ENTREP2: variants seen among roughly 807,000 people sequenced by gnomAD.
ENTREP2 encodes the protein endosomal transmembrane epsin interactor 2, also known as protein ENTREP2.
the ENTREP2 span, among the ~76,000 whole-genome samples, chr15:29,398,807 C>T: frequency 6.6e-6 from 1 of 152,062 alleles, no homozygotes; most frequent in East Asian, 1.9e-4. Flanking sequence ...AAGGTCCCCA[C>T]TCCCTGGTGT....
At chr15:29,540,132 G>T in the ENTREP2 span, among the ~76,000 whole-genome samples, 1 of 152,100 alleles carries the variant, frequency 6.6e-6, no homozygotes, top group Non-Finnish European at 1.5e-5. Context: ...CTTATCCACA[G>T]TCTTCCAGTT....
At chr15:29,144,407 G>A in the ENTREP2 span, among the ~76,000 whole-genome samples, 1 of 152,148 alleles carries the variant, frequency 6.6e-6, no homozygotes, top group Non-Finnish European at 1.5e-5. Context: ...TGCAGGCTCA[G>A]ATGGCTTCAC....
the ENTREP2 span, among the ~76,000 whole-genome samples, chr15:29,405,323 A>G: frequency 6.7e-6 from 1 of 150,358 alleles, no homozygotes; most frequent in African/African-American, 2.5e-5. Context: ...TGGGAGGTGG[A>G]GGTTGCAGTG....
chr15:29,162,463 G>C, the ENTREP2 span, among the ~76,000 whole-genome samples: 1 of 152,132 alleles, frequency 6.6e-6, no homozygotes, highest in African/African-American at 2.4e-5. Context: ...TGGGGCGGTT[G>C]GATGGGGGCA....
At chr15:29,484,682 G>T in the ENTREP2 span, among the ~76,000 whole-genome samples, 1 of 152,104 alleles carries the variant, frequency 6.6e-6, no homozygotes, top group Non-Finnish European at 1.5e-5. Context: ...GAAACACTCA[G>T]CTAAGATGCT....
At chr15:29,610,486 A>T in the ENTREP2 span, 2 of 150,578 alleles carry the variant, frequency 1.3e-5, no homozygotes, top group African/African-American at 4.9e-5. Flanking sequence ...GTGGAAAAAA[A>T]GAAAAAAACA....
chr15:29,379,284 C>T, the ENTREP2 span, among the ~76,000 whole-genome samples: 13 of 152,166 alleles, frequency 8.5e-5, no homozygotes, highest in African/African-American at 2.7e-4. Context: ...GTCCCTGAGC[C>T]CCTCTGTGAA....
At chr15:29,480,810 C>T in the ENTREP2 span, among the ~76,000 whole-genome samples, 1 of 152,138 alleles carries the variant, frequency 6.6e-6, no homozygotes, top group African/African-American at 2.4e-5. Flanking sequence ...CCCAGAAAAC[C>T]TCACGGCTGC....
the ENTREP2 span, among the ~76,000 whole-genome samples, chr15:29,405,958 G>A: frequency 6.6e-6 from 1 of 152,242 alleles, no homozygotes; most frequent in Admixed American, 6.5e-5. Context: ...AGGAAAGGCA[G>A]ATAAGCTGAA....
chr15:29,580,290 A>T, the ENTREP2 span, among the ~76,000 whole-genome samples: 1 of 152,296 alleles, frequency 6.6e-6, no homozygotes, highest in Non-Finnish European at 1.5e-5. Context: ...TAGGGCACCC[A>T]TGTTAGTGTC....
chr15:29,615,748 G>T, the ENTREP2 span, among the ~76,000 whole-genome samples: 82 of 152,154 alleles, frequency 5.4e-4, 1 homozygote, highest in African/African-American at 2.0e-3. Context: ...TTTCTATTTT[G>T]GGTTGAACTT....
At chr15:29,413,290 T>C in the ENTREP2 span, among the ~76,000 whole-genome samples, 2 of 152,202 alleles carry the variant, frequency 1.3e-5, no homozygotes, top group African/African-American at 4.8e-5. Context: ...TTCTTTAAGT[T>C]ATTACATAAT....
the ENTREP2 span, among the ~76,000 whole-genome samples, chr15:29,414,646 G>A: frequency 2.0e-5 from 3 of 152,058 alleles, no homozygotes; most frequent in Non-Finnish European, 4.4e-5. Context: ...AAATAACTAA[G>A]ATCAGAGCAG....
At chr15:29,348,553 G>A in the ENTREP2 span, among the ~76,000 whole-genome samples, 5 of 152,220 alleles carry the variant, frequency 3.3e-5, no homozygotes, top group Admixed American at 3.3e-4. Context: ...CTTTTAGCCT[G>A]AGAGAATGTG....
At chr15:29,303,846 T>C in the ENTREP2 span, among the ~76,000 whole-genome samples, 2 of 152,180 alleles carry the variant, frequency 1.3e-5, no homozygotes, top group Non-Finnish European at 2.9e-5. Context: ...TACGGCTGCA[T>C]AGTATTCCAT....
At chr15:29,284,068 G>A in the ENTREP2 span, among the ~76,000 whole-genome samples, 4 of 152,082 alleles carry the variant, frequency 2.6e-5, no homozygotes, top group Non-Finnish European at 5.9e-5. Context: ...TAAATAATAG[G>A]AGTTGAGGGA....
At chr15:29,238,448 C>G in the ENTREP2 span, among the ~76,000 whole-genome samples, 7 of 151,934 alleles carry the variant, frequency 4.6e-5, no homozygotes, top group Non-Finnish European at 1.0e-4. Flanking sequence ...CTGGCTAACA[C>G]AGTGAAATCC....
chr15:29,246,421 G>A, the ENTREP2 span, among the ~76,000 whole-genome samples: 8 of 146,380 alleles, frequency 5.5e-5, no homozygotes, highest in South Asian at 2.2e-4. Context: ...AAGGCTGGGC[G>A]CAGTGGCTCA....
chr15:29,587,163 G>GTA, the ENTREP2 span, among the ~76,000 whole-genome samples: 1 of 137,464 alleles, frequency 7.3e-6, no homozygotes. Context: ...GTGTGTGTGT[G>GTA]TGTGTGTGTG....
Sources: gnomAD v4.1 joint callset for allele counts (sites outside exome capture counted in the v4.1 genomes callset) on GRCh38, gnomAD v4.1.1 for gene constraint, MANE v1.5 for transcripts, NCBI Gene and HGNC (gene_info 2026-07-23, HGNC 2026-07-21) for gene names.